Variants in ELL observed in about 807,000 individuals in gnomAD.
The protein encoded by ELL is elongation factor for RNA polymerase II.
Under a neutral mutation model 64.0 loss-of-function variants are expected in ELL, and 18 were observed. The observed-to-expected ratio is 0.28, with a 90% CI of 0.19 to 0.42. ELL has a LOEUF of 0.42. ELL is among the 10% of genes least tolerant of loss of function. The pLI, the probability that ELL is intolerant of heterozygous loss-of-function variation, is 1.00. For synonymous variants in ELL, 399 were observed against 376.2 expected (o/e 1.06, Z -0.70); for missense variants, 797 against 870.4 (o/e 0.92, Z 1.06).
chr19:18,446,215 G>A (rs1012786931), intron 10 of ELL, 94 bp downstream of exon 10: 2 of 907,094 alleles, frequency 2.2e-6, no homozygotes, highest in African/African-American at 4.4e-5. Flanking sequence ...GCCAGACTCT[G>A]GGGCCACCAA....
In ELL at chr19:18,510,546, C is replaced by T. The variant is rs1438262885; in HGVS notation, c.135+11375G>A. On this transcript the variant is annotated intron_variant, in intron 1 of 11. Transcript: ENST00000262809. Reference sequence around the variant, plus strand: ...TCACCTGAGCCCAGGTGATCCTGCTCGAGACCTTCCTCTGTCACCTGTGAC... The same window carrying T: ...TCACCTGAGCCCAGGTGATCCTGCTTGAGACCTTCCTCTGTCACCTGTGAC... Among the ~76,000 whole-genome samples, 7 of 152,124 alleles carry T rather than the reference C, an allele frequency of 4.6e-5. No homozygotes were observed. The East Asian group carries it at 9.6e-4, about 21-fold the overall frequency.
intron 1 of ELL, among the ~76,000 whole-genome samples, chr19:18,497,656 A>T (rs989510119): frequency 4.0e-5 from 6 of 151,542 alleles, no homozygotes; most frequent in Non-Finnish European, 4.4e-5. Flanking sequence ...GTCTAAAAAA[A>T]TTTTTTTTAA....
At chr19:18,475,520 C>T (rs1327906468) in intron 1 of ELL, among the ~76,000 whole-genome samples, 2 of 152,156 alleles carry the variant, frequency 1.3e-5, no homozygotes, top group Non-Finnish European at 1.5e-5. Context: ...AACACACTTC[C>T]GTACAAAAAC....
At chr19:18,446,945 G>A (rs550878528) in intron 8 of ELL, 131 bp from the exon 9 acceptor site, 3 of 1,019,344 alleles carry the variant, frequency 2.9e-6, no homozygotes, top group South Asian at 2.9e-5. Flanking sequence ...TAGCAGAGGG[G>A]ATGACTGTGT....
chr19:18,461,717 A>G lies in ELL; in HGVS notation c.605T>C (p.Val202Ala). 1 of 1,613,646 alleles carries G rather than the reference A, an allele frequency of 6.2e-7. No homozygotes were observed. Among genetic ancestry groups the G allele is most frequent in the Non-Finnish European group, 8.5e-7 (1 of 1,179,950 alleles). ...GASAVSGGSG[V>A]SQRPFRDRVL... ...TCGGTCACGGAAGGGCCTCTGGGAC[A>G]CCCCGCTGCCCCCACTCACGGCACT... The change falls in exon 5 of 12, where the codon GTG becomes GCG. Residue 202 changes from valine to alanine, a missense_variant. Transcript: ENST00000262809.
chr19:18,447,740 C>T (rs548508291), intron 8 of ELL, among the ~76,000 whole-genome samples: 11 of 152,124 alleles, frequency 7.2e-5, no homozygotes, highest in Non-Finnish European at 1.3e-4. Flanking sequence ...GCTTTCTTTC[C>T]GATACAGAAA....
At chr19:18,510,536 T>G (rs186015634) in intron 1 of ELL, among the ~76,000 whole-genome samples, 474 of 152,266 alleles carry the variant, frequency 3.1e-3, no homozygotes, top group African/African-American at 9.4e-3. Context: ...TGAGCCCAGG[T>G]GATCCTGCTC....
chr19:18,462,088 G>A (rs946199545), intron 4 of ELL, among the ~76,000 whole-genome samples: 4 of 152,136 alleles, frequency 2.6e-5, no homozygotes, highest in African/African-American at 9.7e-5. Flanking sequence ...AGGTGCAGGC[G>A]GCAGAACTGT....
chr19:18,498,088 T>C (rs544733037), intron 1 of ELL, among the ~76,000 whole-genome samples: 225 of 151,828 alleles, frequency 1.5e-3, no homozygotes, highest in Non-Finnish European at 2.2e-3. Context: ...GATTGCACCA[T>C]TGCACTCCAT....
rs1207282184 is a variant in ELL at position 18,443,807 on chromosome 19, C to T, written c.*945G>A. ...GCCCCTCCCTGAGTGCAAACCTTGG[C>T]GGTGGCTCTGCTAAGACGACCCCAG... On this transcript the variant is annotated 3_prime_UTR_variant, in exon 12 of 12. Transcript: ENST00000262809. The T allele has an allele frequency of 1.3e-5, 3 of 232,958 alleles. No individual in the cohort carries two copies. The highest frequency in any genetic ancestry group is 6.0e-5 in the East Asian group (1 of 16,530). The allele number at this position is 232,958 out of a possible 1,614,324, so 14.4% of individuals were successfully genotyped here.
intron 1 of ELL, among the ~76,000 whole-genome samples, chr19:18,507,214 C>T (rs745796389): frequency 6.6e-6 from 1 of 152,228 alleles, no homozygotes; most frequent in Non-Finnish European, 1.5e-5. Flanking sequence ...TAGCTGCACC[C>T]GCTCCCTGCC....
chr19:18,466,053 C>G, intron 2 of ELL, 135 bp from the exon 3 acceptor site: 1 of 885,104 alleles, frequency 1.1e-6, no homozygotes. Flanking sequence ...AAAACACACC[C>G]CTGCTCTTCA....
chr19:18,447,081 C>G (rs2144886996), intron 8 of ELL, among the ~76,000 whole-genome samples: 1 of 152,330 alleles, frequency 6.6e-6, no homozygotes, highest in Admixed American at 6.5e-5. Context: ...CTGCAGGACA[C>G]AGAGCACCCA....
At position 18,451,557 on chromosome 19, in the gene ELL, G is replaced by A; in HGVS notation, c.961C>T (p.Pro321Ser). Residue 321 changes from proline to serine, a missense_variant, in exon 7 of 12, where the codon CCA (proline) becomes TCA (serine). By Grantham distance (74) the Pro-to-Ser change is moderately conservative (BLOSUM62 -1). Coordinates refer to ENST00000262809, the MANE Select transcript of ELL (RefSeq NM_006532.4). ...PGERGRSASP[P>S]QKRLQPPDFI... ...CCCAGGCATGCCTCACTTACCTGTG[G>A]GGGCGAGGCCGAGCGCCCACGCTCG... 1 of 1,485,826 alleles carries A rather than the reference G, an allele frequency of 6.7e-7. No individual in the cohort carries two copies. Among genetic ancestry groups the A allele is most frequent in the Non-Finnish European group, 8.9e-7 (1 of 1,126,356 alleles). The allele number at this position is 1,485,826 out of a possible 1,614,324, so 92.0% of individuals were successfully genotyped here. A position where few individuals can be genotyped will look rare whatever the true frequency, so the allele number is the denominator to read the frequency against.
In ELL at chr19:18,452,013, G is replaced by A. The variant is rs190011156; in HGVS notation, c.870-365C>T. On this transcript the variant is annotated intron_variant, in intron 6 of 11. Coordinates refer to ENST00000262809, the MANE Select transcript of ELL (RefSeq NM_006532.4). ...ACTGTCCAAAATGCAGAAGAGAACG[G>A]AGGGCCCTGGCCTAGGATGAGACAG... Among the ~76,000 whole-genome samples the A allele has an allele frequency of 1.6e-3, 250 of 152,344 alleles. 3 individuals are homozygous for A. Among genetic ancestry groups the A allele is most frequent in the Middle Eastern group, 6.8e-3 (2 of 294 alleles).
chr19:18,446,071 C>A, intron 10 of ELL: 1 of 554,674 alleles, frequency 1.8e-6, no homozygotes, highest in Non-Finnish European at 3.1e-6. Flanking sequence ...TGGGTCACAG[C>A]TGTCCCCACT....
chr19:18,461,611 C>T lies in ELL; in HGVS notation c.711G>A (p.Ala237=), dbSNP rs376130610. The change falls in exon 5 of 12, where the codon GCG becomes GCA. Residue 237 remains alanine, a synonymous_variant. Transcript: ENST00000262809. The part of the protein sequence containing the change: ...LRLQKDGLTQ[A]DKDALDGLLQ... ...GGAGGCCATCCAGCGCGTCCTTGTC[C>T]GCCTGCGTCAGGCCGTCCTTCTGCA... 74 of 1,607,058 alleles carry T rather than the reference C, an allele frequency of 4.6e-5. No individual in the cohort carries two copies. The highest frequency in any genetic ancestry group is 3.3e-4 in the Admixed American group (20 of 60,004).
At chr19:18,508,526 C>T (rs1285099082) in intron 1 of ELL, among the ~76,000 whole-genome samples, 3 of 152,326 alleles carry the variant, frequency 2.0e-5, no homozygotes, top group African/African-American at 7.2e-5. Flanking sequence ...CTGGCCCTGG[C>T]CAACAGCAAG....
chr19:18,512,020 T>A (rs1976035797), intron 1 of ELL, among the ~76,000 whole-genome samples: 1 of 152,006 alleles, frequency 6.6e-6, no homozygotes, highest in South Asian at 2.1e-4. Flanking sequence ...CCGGGCATGG[T>A]GGCAGATGCC....
Sources: allele counts gnomAD v4.1 joint callset (sites outside exome capture counted in the v4.1 genomes callset), GRCh38; gene constraint gnomAD v4.1.1; transcripts MANE v1.5; gene names NCBI Gene and HGNC (gene_info 2026-07-23, HGNC 2026-07-21).